The following TNFRSF10B variants were observed in gnomAD, a reference collection of about 807,000 sequenced individuals.
TNFRSF10B encodes TNF receptor superfamily member 10b, also known as tumor necrosis factor receptor superfamily member 10B.
TNFRSF10B carries 35 observed loss-of-function variants against 41.4 expected under a neutral mutation model. The ratio of observed to expected loss-of-function variants is 0.85; its 90% CI spans 0.65 to 1.12. The LOEUF (loss-of-function observed/expected upper bound fraction) is 1.12. TNFRSF10B is among the 50% of genes most tolerant of loss of function. The pLI is 0.00. For synonymous variants in TNFRSF10B, 230 were observed against 215.5 expected (o/e 1.07, Z -0.59); for missense variants, 584 against 552.7 (o/e 1.06, Z -0.57).
intron 2 of TNFRSF10B, among the ~76,000 whole-genome samples, chr8:23,041,733 C>T (rs1019371209): frequency 7.2e-5 from 11 of 151,998 alleles, no homozygotes; most frequent in Non-Finnish European, 1.3e-4. Context: ...ATGCACATTT[C>T]GAGGAGTTTC....
intron 1 of TNFRSF10B, among the ~76,000 whole-genome samples, chr8:23,065,891 T>C (rs536423415): frequency 6.6e-6 from 1 of 151,972 alleles, no homozygotes; most frequent in South Asian, 2.1e-4. Flanking sequence ...ATAACAGATA[T>C]AATGGTGTTG....
rs763818256 is a variant in TNFRSF10B at position 23,029,609 on chromosome 8, C to T, written c.476+1G>A. On this transcript the variant is annotated splice_donor_variant, in intron 4 of 8. Coordinates refer to ENST00000276431, the MANE Select transcript of TNFRSF10B (RefSeq NM_003842.5). LOFTEE classifies it high-confidence loss of function. Reference sequence around the variant, plus strand: ...CTGGGAGCCCCCGGCTCCTGTCTCACCCTGTGCGGCACTTCCGGCACATCT... The same window carrying T: ...CTGGGAGCCCCCGGCTCCTGTCTCATCCTGTGCGGCACTTCCGGCACATCT... 6 of 1,608,242 alleles carry T rather than the reference C, an allele frequency of 3.7e-6. 1 individual carries two copies. In the South Asian group the frequency reaches 6.7e-5, roughly 18 times the overall value.
rs1455690689 is a variant in TNFRSF10B, at chr8:23,068,828, TGGGTCCTG to T, written c.59_66del (p.Pro20GlnfsTer30). 11 of 1,612,916 alleles carry T rather than the reference TGGGTCCTG, an allele frequency of 6.8e-6. No individual in the cohort carries two copies. Among genetic ancestry groups the T allele is most frequent in the Non-Finnish European group, 9.3e-6 (11 of 1,179,838 alleles). On this transcript the variant is annotated frameshift_variant, in exon 1 of 9. Coordinates refer to ENST00000276431, the MANE Select transcript of TNFRSF10B (RefSeq NM_003842.5). LOFTEE classifies it high-confidence loss of function. ...CCAGGCCTGGCTCCCCGCGCCTCCCTGGGTCCTGGGCCGTGCCTTTTCCGGGCCCCCGA... is the reference window on the plus strand; with the variant it reads ...CCAGGCCTGGCTCCCCGCGCCTCCCTGGCCGTGCCTTTTCCGGGCCCCCGA...
intron 7 of TNFRSF10B, among the ~76,000 whole-genome samples, chr8:23,026,288 T>G (rs552970192): frequency 6.4e-4 from 97 of 152,202 alleles, no homozygotes; most frequent in African/African-American, 8.4e-4. Context: ...TTGTTTGTTT[T>G]TTTAAAAAAG....
chr8:23,063,564 T>C (rs1812895396), intron 1 of TNFRSF10B, among the ~76,000 whole-genome samples: 1 of 152,126 alleles, frequency 6.6e-6, no homozygotes, highest in Non-Finnish European at 1.5e-5. Context: ...AACACTAGAA[T>C]CCACCACAAA....
chr8:23,038,624 A>G (rs1309430605), intron 2 of TNFRSF10B, among the ~76,000 whole-genome samples: 1 of 152,234 alleles, frequency 6.6e-6, no homozygotes, highest in African/African-American at 2.4e-5. Context: ...GTATCAAGGA[A>G]AGGAGTAAAC....
intron 1 of TNFRSF10B, among the ~76,000 whole-genome samples, chr8:23,055,521 T>TTAAAAAAA (rs1554510887): frequency 5.0e-5 from 6 of 120,548 alleles, no homozygotes; most frequent in African/African-American, 9.2e-5. Context: ...ATTAAATGCT[T>TTAAAAAAA]AAAAAAAAAA....
intron 1 of TNFRSF10B, chr8:23,068,233 A>C: frequency 6.2e-6 from 1 of 161,898 alleles, no homozygotes; most frequent in Non-Finnish European, 1.4e-5. Flanking sequence ...CGCGCACGGA[A>C]CGGAACCACT....
chr8:23,049,135 G>C (rs1812448264), intron 1 of TNFRSF10B, among the ~76,000 whole-genome samples: 1 of 152,132 alleles, frequency 6.6e-6, no homozygotes, highest in South Asian at 2.1e-4. Flanking sequence ...AACACACACT[G>C]GGAAAAACAG....
intron 1 of TNFRSF10B, among the ~76,000 whole-genome samples, chr8:23,054,145 G>A (rs1486586868): frequency 1.3e-5 from 2 of 152,106 alleles, no homozygotes; most frequent in Non-Finnish European, 2.9e-5. Context: ...TTGAATGCAG[G>A]TTTCTGATAA....
At position 23,022,637 on chromosome 8, in the gene TNFRSF10B, C is replaced by A; in HGVS notation, c.*34G>T. 6.2e-7 allele frequency: 1 copy of A among 1,613,256 alleles called. No individual in the cohort carries two copies. The highest frequency in any genetic ancestry group is 1.1e-5 in the South Asian group (1 of 90,904). ...GGCTTTTTCCAGAAAAAAGGTAAAC[C>A]AGGGAAGGTCTGACTTCCTGAAGAG... On this transcript the variant is annotated 3_prime_UTR_variant, in exon 9 of 9. Transcript: ENST00000276431.
rs779538261 is a variant in TNFRSF10B at position 23,027,154 on chromosome 8, G to A, written c.915C>T (p.Pro305=). 2.4e-5 allele frequency: 38 copies of A among 1,613,966 alleles called. No homozygotes were observed. In the East Asian group the frequency reaches 4.0e-4, roughly 17 times the overall value. Residue 305 remains proline, a synonymous_variant, in exon 7 of 9, where the codon CCC becomes CCT. Coordinates refer to ENST00000276431, the MANE Select transcript of TNFRSF10B (RefSeq NM_003842.5). ...AEPTGVNMLS[P]GESEHLLEPA... ...TCACCAGCAGATGCTCTGACTCCCC[G>A]GGGGACAACATGTTGACACCTGTTG...
At chr8:23,046,169 T>G (rs1299152467) in intron 1 of TNFRSF10B, among the ~76,000 whole-genome samples, 1 of 152,204 alleles carries the variant, frequency 6.6e-6, no homozygotes, top group Non-Finnish European at 1.5e-5. Context: ...GCCGATGACA[T>G]GATCTTCTGT....
rs1313962977 is a variant in TNFRSF10B at position 23,020,518 on chromosome 8, C to A, written c.*2153G>T. On this transcript the variant is annotated 3_prime_UTR_variant, in exon 9 of 9. Transcript: ENST00000276431. ...ACCAGCCTGACCAACATGGTGAAAC[C>A]CCGTCTCTACTAAAAATACAAAAAT... is the stretch of plus-strand genomic sequence containing the variant. The A allele has an allele frequency of 6.7e-6, 3 of 449,544 alleles. No individual in the cohort carries two copies. The highest frequency in any genetic ancestry group is 4.0e-5 in the African/African-American group (2 of 49,712). The allele number at this position is 449,544 out of a possible 1,614,324, so 27.8% of individuals were successfully genotyped here. A position where few individuals can be genotyped will look rare whatever the true frequency, so the allele number is the denominator to read the frequency against.
Position 23,027,141 on chromosome 8 carries a change from GCT to G in TNFRSF10B, c.926_927del (p.Glu309AlafsTer9). On this transcript the variant is annotated frameshift_variant, in exon 7 of 9. Transcript: ENST00000276431. LOFTEE classifies it high-confidence loss of function. The part of the protein sequence containing the change: ...GVNMLSPGES[E>X]HLLEPAEAER... ...ATCTGTCCCCCACTCACCAGCAGATGCTCTGACTCCCCGGGGGACAACATGTT... is the reference window on the plus strand; with the variant it reads ...ATCTGTCCCCCACTCACCAGCAGATGCTGACTCCCCGGGGGACAACATGTT... 1 of 1,614,108 alleles carries G rather than the reference GCT, an allele frequency of 6.2e-7. No individual in the cohort carries two copies. Among genetic ancestry groups the G allele is most frequent in the East Asian group, 2.2e-5 (1 of 44,884 alleles).
chr8:23,057,126 G>A lies in TNFRSF10B; in HGVS notation c.144+11625C>T, dbSNP rs996118485. On this transcript the variant is annotated intron_variant, in intron 1 of 8. Coordinates refer to ENST00000276431, the MANE Select transcript of TNFRSF10B (RefSeq NM_003842.5). ...GCAATCTTGGCTCACTGCAAGCTCT[G>A]CGTCCCAGGTTCATGCCATTCTCCT... Among the ~76,000 whole-genome samples, 5 of 148,076 alleles carry A rather than the reference G, an allele frequency of 3.4e-5. No homozygotes were observed. In the South Asian group the frequency reaches 8.4e-4, roughly 25 times the overall value.
intron 2 of TNFRSF10B, among the ~76,000 whole-genome samples, chr8:23,037,106 A>G (rs996528894): frequency 6.6e-6 from 1 of 152,170 alleles, no homozygotes; most frequent in African/African-American, 2.4e-5. Context: ...CTTCACAAAA[A>G]GTGATCTTAG....
At chr8:23,056,271 A>T (rs1013991634) in intron 1 of TNFRSF10B, among the ~76,000 whole-genome samples, 3 of 152,164 alleles carry the variant, frequency 2.0e-5, no homozygotes, top group African/African-American at 7.2e-5. Flanking sequence ...TATTACCTTA[A>T]TGCCCAACTT....
intron 1 of TNFRSF10B, among the ~76,000 whole-genome samples, chr8:23,055,245 C>G (rs565101334): frequency 6.6e-6 from 1 of 152,172 alleles, no homozygotes; most frequent in Non-Finnish European, 1.5e-5. Flanking sequence ...CTCTAAGCCC[C>G]TAAAATAGAC....
Sources: allele counts gnomAD v4.1 joint callset (sites outside exome capture counted in the v4.1 genomes callset), GRCh38; gene constraint gnomAD v4.1.1; transcripts MANE v1.5; gene names NCBI Gene and HGNC (gene_info 2026-07-23, HGNC 2026-07-21).